Variants in TMEM192 observed in about 807,000 individuals in gnomAD.
The protein encoded by TMEM192 is transmembrane protein 192.
TMEM192 carries 20 observed loss-of-function variants against 26.7 expected under a neutral mutation model. That is an observed-to-expected ratio of 0.75 (90% CI 0.53 to 1.09). The LOEUF is 1.09. Among genes scored for constraint, TMEM192 ranks in the 50% least tolerant of loss-of-function variants. The probability of loss-of-function intolerance (pLI) is 0.00; values close to 1 mark genes in which losing one functional copy is unlikely to be tolerated. For missense variants in TMEM192, 304 were observed against 322.6 expected, an observed-to-expected ratio of 0.94 and a Z score of 0.44; for synonymous variants, 124 against 121.0, an observed-to-expected ratio of 1.02 and a Z score of -0.16.
At chr4:165,107,446 A>G (rs1040969610) in intron 1 of TMEM192, among the ~76,000 whole-genome samples, 1 of 151,710 alleles carries the variant, frequency 6.6e-6, no homozygotes, top group African/African-American at 2.4e-5. Flanking sequence ...CAGGCTCAAG[A>G]AATCCTCCTA....
At chr4:165,091,994 G>A (rs1734776990) in intron 3 of TMEM192, among the ~76,000 whole-genome samples, 1 of 151,634 alleles carries the variant, frequency 6.6e-6, no homozygotes, top group Admixed American at 6.6e-5. Flanking sequence ...CCATGATCCA[G>A]ACTACCTGGA....
At chr4:165,093,869 C>T (rs1485374956) in intron 3 of TMEM192, among the ~76,000 whole-genome samples, 11 of 152,134 alleles carry the variant, frequency 7.2e-5, no homozygotes, top group African/African-American at 1.4e-4. Flanking sequence ...GCACCCGCCA[C>T]GCCACCATGC....
intron 3 of TMEM192, among the ~76,000 whole-genome samples, chr4:165,092,867 A>C (rs1013048029): frequency 6.6e-6 from 1 of 151,948 alleles, no homozygotes; most frequent in African/African-American, 2.4e-5. Flanking sequence ...ACAGCACTCC[A>C]GCCTAGGCAA....
intron 3 of TMEM192, among the ~76,000 whole-genome samples, chr4:165,093,600 A>C (rs2110766398): frequency 6.6e-6 from 1 of 152,260 alleles, no homozygotes; most frequent in South Asian, 2.1e-4. Context: ...ACCCTCCTTG[A>C]AGAAGACCAC....
chr4:165,072,614 G>A lies in TMEM192; in HGVS notation c.*7044C>T, dbSNP rs1461927361. On this transcript the variant is annotated 3_prime_UTR_variant, in exon 6 of 6. Coordinates refer to ENST00000306480, the MANE Select transcript of TMEM192 (RefSeq NM_001100389.2). ...AGACTATTATAATAGTCCAGGTGAA[G>A]ATTATAGTGGCTGGGGAAGTAGCAT... 1 of 151,970 alleles carries A rather than the reference G, an allele frequency of 6.6e-6. No individual in the cohort carries two copies. The highest frequency in any genetic ancestry group is 1.5e-5 in the Non-Finnish European group (1 of 68,054). 9.4% of individuals were successfully genotyped at this position (151,970 alleles called of 1,614,324 possible). A position where few individuals can be genotyped will look rare whatever the true frequency, so the allele number is the denominator to read the frequency against.
intron 1 of TMEM192, among the ~76,000 whole-genome samples, chr4:165,110,225 G>T (rs144274129): frequency 6.6e-6 from 1 of 152,294 alleles, no homozygotes; most frequent in Non-Finnish European, 1.5e-5. Context: ...ACCTGTAGAA[G>T]ATGTCTGTTG....
chr4:165,105,974 A>T (rs566741785), intron 1 of TMEM192, among the ~76,000 whole-genome samples: 1 of 152,292 alleles, frequency 6.6e-6, no homozygotes, highest in South Asian at 2.1e-4. Context: ...CCACTGCGTG[A>T]GGATGCAGCA....
chr4:165,088,607 G>A lies in TMEM192; in HGVS notation c.440-5C>T. 1 of 1,606,762 alleles carries A rather than the reference G, an allele frequency of 6.2e-7. No individual in the cohort carries two copies. The highest frequency in any genetic ancestry group is 1.3e-5 in the African/African-American group (1 of 74,816). ...TGAGGAGAAGCACTGTGTTGCCTGA[G>A]GAGGAGAAACATAAAACACAGCATG... On this transcript the variant is annotated splice_region_variant and splice_polypyrimidine_tract_variant and intron_variant, in intron 3 of 5. Coordinates refer to ENST00000306480, the MANE Select transcript of TMEM192 (RefSeq NM_001100389.2).
At position 165,073,272 on chromosome 4, in the gene TMEM192, T is replaced by A. The variant is rs995120723; in HGVS notation, c.*6386A>T. On this transcript the variant is annotated 3_prime_UTR_variant, in exon 6 of 6. Transcript: ENST00000306480. ...ACCTATAACTTTAGCCCCAACCCTGTGCTCACAGAAACATGTGCTGTATTG... is the reference window on the plus strand; with the variant it reads ...ACCTATAACTTTAGCCCCAACCCTGAGCTCACAGAAACATGTGCTGTATTG... The A allele has an allele frequency of 2.6e-5, 4 of 152,420 alleles. No individual in the cohort carries two copies. The highest frequency in any genetic ancestry group is 5.9e-5 in the Non-Finnish European group (4 of 68,196). 9.4% of individuals were successfully genotyped at this position (152,420 alleles called of 1,614,324 possible).
intron 4 of TMEM192, among the ~76,000 whole-genome samples, chr4:165,086,475 A>G (rs1418754330): frequency 6.9e-6 from 1 of 144,652 alleles, no homozygotes; most frequent in East Asian, 2.0e-4. Flanking sequence ...GCTGGAGTGC[A>G]GTGGCACAAC....
intron 4 of TMEM192, 50 bp downstream of exon 4, chr4:165,088,413 GAGGAA>G: frequency 1.3e-6 from 2 of 1,560,220 alleles, no homozygotes; most frequent in Non-Finnish European, 1.7e-6. Context: ...TTTAAACTGG[GAGGAA>G]AGGAAGCAGT....
Position 165,100,707 on chromosome 4 carries a change from T to C in TMEM192, c.360A>G (p.Lys120=). Residue 120 remains lysine, a synonymous_variant, in exon 3 of 6, where the codon AAA becomes AAG. Transcript: ENST00000306480. ...LECYIQYHHS[K]IRNRGYNLIY... ...TCAAGTTATAGCCTCGGTTTCTGAT[T>C]TTGCTGTGGTGATACTGGATGTAGC... 6.2e-7 allele frequency: 1 copy of C among 1,614,102 alleles called. No homozygotes were observed. The highest frequency in any genetic ancestry group is 1.1e-5 in the South Asian group (1 of 91,078).
intron 1 of TMEM192, among the ~76,000 whole-genome samples, chr4:165,103,676 C>G (rs551304068): frequency 6.6e-6 from 1 of 152,064 alleles, no homozygotes; most frequent in African/African-American, 2.4e-5. Context: ...CCACCACACC[C>G]GGCTAATTTT....
chr4:165,090,829 G>A (rs767716656), intron 3 of TMEM192, among the ~76,000 whole-genome samples: 22 of 150,712 alleles, frequency 1.5e-4, no homozygotes, highest in Non-Finnish European at 2.2e-4. Context: ...ACTTGGTCCC[G>A]GAAGGTGGAG....
rs1734479080 is a variant in TMEM192 at position 165,079,728 on chromosome 4, T to C, written c.746A>G (p.Asn249Ser). 7 of 1,614,008 alleles carry C rather than the reference T, an allele frequency of 4.3e-6. No individual in the cohort carries two copies. Among genetic ancestry groups the C allele is most frequent in the South Asian group, 3.3e-5 (3 of 91,076 alleles). ...GDTIEYLKRH[N>S]ALLSKRLLAL... ...CAACAATCGCTTACTCAGCAGCGCA[T>C]TGTGTCGCTTCAGGTATTCAATGGT... Residue 249 changes from asparagine to serine, a missense_variant, in exon 6 of 6, where the codon AAT becomes AGT. By Grantham distance (46) the Asn-to-Ser change is conservative. Coordinates refer to ENST00000306480, the MANE Select transcript of TMEM192 (RefSeq NM_001100389.2).
intron 3 of TMEM192, among the ~76,000 whole-genome samples, chr4:165,100,162 C>CTTT (rs35075062): frequency 4.8e-4 from 65 of 134,714 alleles, no homozygotes; most frequent in African/African-American, 1.6e-3. Flanking sequence ...AATAAAAGTT[C>CTTT]TTTTTTTTTT....
At position 165,077,304 on chromosome 4, in the gene TMEM192, A is replaced by C. The variant is rs1269245967; in HGVS notation, c.*2354T>G. The C allele has an allele frequency of 6.6e-6, 1 of 152,234 alleles. No individual in the cohort carries two copies. Among genetic ancestry groups the C allele is most frequent in the Non-Finnish European group, 1.5e-5 (1 of 68,048 alleles). The allele number at this position is 152,234 out of a possible 1,614,324, so 9.4% of individuals were successfully genotyped here. ...AGATACTGACTATAGATCCAAATTAAATTTTAAAAATAAATAAGAGTTAAT... is the reference window on the plus strand; with the variant it reads ...AGATACTGACTATAGATCCAAATTACATTTTAAAAATAAATAAGAGTTAAT... On this transcript the variant is annotated 3_prime_UTR_variant, in exon 6 of 6. Coordinates refer to ENST00000306480, the MANE Select transcript of TMEM192 (RefSeq NM_001100389.2).
intron 1 of TMEM192, among the ~76,000 whole-genome samples, chr4:165,107,729 A>C (rs1392763550): frequency 6.6e-6 from 1 of 151,974 alleles, no homozygotes; most frequent in African/African-American, 2.4e-5. Context: ...CCATCTCTAC[A>C]CCAGCTCTAC....
intron 1 of TMEM192, among the ~76,000 whole-genome samples, chr4:165,104,790 C>A (rs1448239735): frequency 6.6e-6 from 1 of 152,166 alleles, no homozygotes; most frequent in African/African-American, 2.4e-5. Flanking sequence ...CTCAGCCTCC[C>A]AAAGTGCTGG....
Sources: allele counts gnomAD v4.1 joint callset (sites outside exome capture counted in the v4.1 genomes callset), GRCh38; gene constraint gnomAD v4.1.1; transcripts MANE v1.5; gene names NCBI Gene and HGNC (gene_info 2026-07-23, HGNC 2026-07-21).